Variants in CLEC9A observed in about 807,000 individuals in gnomAD.
CLEC9A encodes the protein C-type lectin domain containing 9A, also known as C-type lectin domain family 9 member A.
In CLEC9A, 24 loss-of-function variants were observed where a neutral mutation model predicts 30.0. The observed-to-expected ratio is 0.80, with a 90% CI of 0.58 to 1.13. The LOEUF (loss-of-function observed/expected upper bound fraction) is 1.13. Among genes scored for constraint, CLEC9A ranks in the 50% most tolerant of loss-of-function variants. The pLI, the probability that CLEC9A is intolerant of heterozygous loss-of-function variation, is 0.00. For missense variants in CLEC9A, 251 were observed against 280.9 expected (o/e 0.89, Z 0.76); for synonymous variants, 111 against 96.8 (o/e 1.15, Z -0.86).
rs142403357 is a variant in CLEC9A at position 10,041,880 on chromosome 12, A to G, written c.-163+260A>G. Among the ~76,000 whole-genome samples the G allele has an allele frequency of 3.7e-3, 564 of 152,310 alleles. 8 individuals carry two copies. The highest frequency in any genetic ancestry group is 0.013 in the African/African-American group (530 of 41,554). ...GGTACATAGTGGGTCACACATGAAG[A>G]GTCAGCCCAGTGATGTTCTTGATCA... On this transcript the variant is annotated intron_variant, in intron 2 of 8. Transcript: ENST00000355819.
At chr12:10,052,808 C>A in intron 4 of CLEC9A, 30 bp downstream of exon 4, 1 of 1,587,202 alleles carries the variant, frequency 6.3e-7, no homozygotes, top group South Asian at 1.1e-5. Context: ...TTGTGTGAGA[C>A]TTTAGAGTTC....
intron 1 of CLEC9A, among the ~76,000 whole-genome samples, chr12:10,033,928 A>G (rs1471248233): frequency 6.6e-6 from 1 of 152,238 alleles, no homozygotes; most frequent in Non-Finnish European, 1.5e-5. Context: ...TATCAAAGGC[A>G]TAAGGGAAAC....
At chr12:10,043,985 A>G (rs867978398) in intron 2 of CLEC9A, among the ~76,000 whole-genome samples, 1 of 152,110 alleles carries the variant, frequency 6.6e-6, no homozygotes, top group Non-Finnish European at 1.5e-5. Context: ...GGCCCTCTCC[A>G]TATATTTTTT....
rs1387449614 is a variant in CLEC9A, at chr12:10,065,872, G to A, written c.*240G>A. 3 of 415,920 alleles carry A rather than the reference G, an allele frequency of 7.2e-6. No individual in the cohort carries two copies. The highest frequency in any genetic ancestry group is 4.1e-5 in the African/African-American group (2 of 48,786). 25.8% of individuals were successfully genotyped at this position (415,920 alleles called of 1,614,324 possible). A position where few individuals can be genotyped will look rare whatever the true frequency, so the allele number is the denominator to read the frequency against. Reference sequence around the variant, plus strand: ...GAGCTACAGAAGACAAAACCCTGAAGAGTTAAGAACAAACGCAAGGAAATA... The same window carrying A: ...GAGCTACAGAAGACAAAACCCTGAAAAGTTAAGAACAAACGCAAGGAAATA... On this transcript the variant is annotated 3_prime_UTR_variant, in exon 9 of 9. Coordinates refer to ENST00000355819, the MANE Select transcript of CLEC9A (RefSeq NM_207345.4).
At chr12:10,035,048 G>A (rs1865731922) in intron 1 of CLEC9A, among the ~76,000 whole-genome samples, 1 of 152,202 alleles carries the variant, frequency 6.6e-6, no homozygotes, top group South Asian at 2.1e-4. Flanking sequence ...GTTTTCCCCT[G>A]GAGTCTGGCC....
chr12:10,056,609 A>G, intron 5 of CLEC9A, among the ~76,000 whole-genome samples: 1 of 152,190 alleles, frequency 6.6e-6, no homozygotes, highest in East Asian at 1.9e-4. Flanking sequence ...TTAAACAAAC[A>G]ATGGAAGGTT....
intron 2 of CLEC9A, among the ~76,000 whole-genome samples, chr12:10,044,957 G>C (rs530457675): frequency 1.1e-3 from 161 of 152,266 alleles, no homozygotes; most frequent in Non-Finnish European, 1.7e-3. Flanking sequence ...AGAGAATAAA[G>C]ATAAGTTAAC....
intron 1 of CLEC9A, among the ~76,000 whole-genome samples, chr12:10,035,728 A>C (rs1044833658): frequency 3.9e-5 from 6 of 152,200 alleles, no homozygotes; most frequent in Non-Finnish European, 7.4e-5. Context: ...TGATCCTGCC[A>C]CCTCAGCCTC....
intron 7 of CLEC9A, among the ~76,000 whole-genome samples, chr12:10,063,837 G>A (rs1030880270): frequency 1.3e-5 from 2 of 152,092 alleles, no homozygotes; most frequent in African/African-American, 4.8e-5. Context: ...GTGAAACCCT[G>A]TCTCTACTAA....
chr12:10,031,352 T>TG (rs1285485676), intron 1 of CLEC9A, among the ~76,000 whole-genome samples: 4 of 152,182 alleles, frequency 2.6e-5, no homozygotes, highest in African/African-American at 9.7e-5. Context: ...CAGTCTAAAA[T>TG]GCCCTCTGCA....
At position 10,036,917 on chromosome 12, in the gene CLEC9A, G is replaced by T. The variant is rs145468912; in HGVS notation, c.-317-4549G>T. 2.0e-5 allele frequency among the ~76,000 whole-genome samples: 3 copies of T among 152,232 alleles called. No individual in the cohort carries two copies. The East Asian group carries it at 5.8e-4, about 29-fold the overall frequency. ...ATGCATTCATTCATTCAACAAATAC[G>T]TATTGGGTAACACAGGAAATTCTCA... On this transcript the variant is annotated intron_variant, in intron 1 of 8. Coordinates refer to ENST00000355819, the MANE Select transcript of CLEC9A (RefSeq NM_207345.4).
At chr12:10,053,352 C>T (rs889263496) in intron 4 of CLEC9A, among the ~76,000 whole-genome samples, 6 of 152,140 alleles carry the variant, frequency 3.9e-5, no homozygotes, top group African/African-American at 9.7e-5. Context: ...TGGCAGGGAT[C>T]GAGTGGAAGA....
intron 2 of CLEC9A, among the ~76,000 whole-genome samples, chr12:10,048,741 C>T (rs1250545827): frequency 6.6e-6 from 1 of 152,182 alleles, no homozygotes; most frequent in African/African-American, 2.4e-5. Context: ...CTTGCTATTT[C>T]TAGCACATCT....
chr12:10,061,764 C>A (rs901775938), intron 6 of CLEC9A, among the ~76,000 whole-genome samples: 1 of 152,160 alleles, frequency 6.6e-6, no homozygotes, highest in Non-Finnish European at 1.5e-5. Context: ...GAAGTTACTG[C>A]AGTTTAATCT....
intron 5 of CLEC9A, among the ~76,000 whole-genome samples, chr12:10,060,037 C>G (rs988664144): frequency 1.3e-5 from 2 of 152,178 alleles, no homozygotes; most frequent in African/African-American, 4.8e-5. Context: ...GCTAAAATAA[C>G]AATAAGTGAC....
intron 6 of CLEC9A, among the ~76,000 whole-genome samples, chr12:10,061,618 C>G (rs1336213865): frequency 1.3e-5 from 2 of 152,008 alleles, no homozygotes; most frequent in African/African-American, 2.4e-5. Flanking sequence ...TCCAAATTTC[C>G]CAATATATTT....
In CLEC9A at chr12:10,065,647, A is replaced by C. The variant is rs1423912781; in HGVS notation, c.*15A>C. 1 of 1,613,310 alleles carries C rather than the reference A, an allele frequency of 6.2e-7. No homozygotes were observed. The highest frequency in any genetic ancestry group is 8.5e-7 in the Non-Finnish European group (1 of 1,179,552). ...CCTCTGTCTGAAAGAAATTGTGTTC[A>C]AAGTGTTCTATTACACTGTTATTTG... On this transcript the variant is annotated 3_prime_UTR_variant, in exon 9 of 9. Transcript: ENST00000355819.
chr12:10,062,234 A>G (rs970731978), intron 6 of CLEC9A, among the ~76,000 whole-genome samples: 8 of 152,336 alleles, frequency 5.3e-5, no homozygotes, highest in Admixed American at 4.6e-4. Flanking sequence ...AAACAACTTA[A>G]CATCTGGCCC....
chr12:10,058,265 A>T (rs914785049), intron 5 of CLEC9A, among the ~76,000 whole-genome samples: 4 of 152,210 alleles, frequency 2.6e-5, no homozygotes, highest in African/African-American at 9.7e-5. Context: ...ATCTAAGAAG[A>T]AAATTATTAT....
Sources: gnomAD v4.1 joint callset for allele counts (sites outside exome capture counted in the v4.1 genomes callset) on GRCh38, gnomAD v4.1.1 for gene constraint, MANE v1.5 for transcripts, NCBI Gene and HGNC (gene_info 2026-07-23, HGNC 2026-07-21) for gene names.